Variants in LRP6 observed in about 807,000 individuals in gnomAD.
LRP6 encodes LDL receptor related protein 6, also known as low-density lipoprotein receptor-related protein 6.
LRP6 carries 43 observed loss-of-function variants against 184.1 expected under a neutral mutation model. The ratio of observed to expected loss-of-function variants is 0.23; its 90% CI spans 0.18 to 0.30. The LOEUF (loss-of-function observed/expected upper bound fraction) is 0.30, where lower values mean the gene tolerates loss of function less well. LRP6 is among the 10% of genes least tolerant of loss of function. The probability of loss-of-function intolerance (pLI) is 1.00; values close to 1 mark genes in which losing one functional copy is unlikely to be tolerated. For synonymous variants in LRP6, 719 were observed against 684.9 expected (o/e 1.05, Z -0.78); for missense variants, 1,571 against 2,005.3 (o/e 0.78, Z 4.14).
At chr12:12,155,211 C>T (rs917859488) in intron 12 of LRP6, 3 of 643,040 alleles carry the variant, frequency 4.7e-6, no homozygotes, top group African/African-American at 3.6e-5. Flanking sequence ...AACAAACAAA[C>T]AAACAAAAAG....
Position 12,164,666 on chromosome 12 carries a change from T to C in LRP6, c.1763-104A>G, listed in dbSNP as rs569066382. The C allele has an allele frequency of 6.6e-6, 7 of 1,064,958 alleles. 1 individual carries two copies. In the Admixed American group the frequency reaches 1.0e-4, roughly 16 times the overall value. The allele number at this position is 1,064,958 out of a possible 1,614,324, so 66.0% of individuals were successfully genotyped here. ...TAAGCGTTTGGTTCACAAATGCCTA[T>C]GATTATGTCTTGCTCCCAATCTCAA... On this transcript the variant is annotated intron_variant, in intron 8 of 22. Coordinates refer to ENST00000261349, the MANE Select transcript of LRP6 (RefSeq NM_002336.3).
chr12:12,252,904 T>C (rs879838235), intron 1 of LRP6, among the ~76,000 whole-genome samples: 14 of 152,314 alleles, frequency 9.2e-5, no homozygotes, highest in South Asian at 2.1e-4. Context: ...GTCTTTAGAT[T>C]TTCTCTCTGC....
At chr12:12,259,105 C>G (rs866705437) in intron 1 of LRP6, among the ~76,000 whole-genome samples, 31 of 151,836 alleles carry the variant, frequency 2.0e-4, no homozygotes, top group Non-Finnish European at 7.4e-5. Flanking sequence ...CTACTAAAAA[C>G]ACAAAAATTA....
At chr12:12,200,194 A>G (rs532127229) in intron 3 of LRP6, among the ~76,000 whole-genome samples, 2 of 152,220 alleles carry the variant, frequency 1.3e-5, no homozygotes, top group African/African-American at 4.8e-5. Flanking sequence ...CCCTGCCACA[A>G]CTTCATTAAC....
At chr12:12,144,469 C>T (rs911097379) in intron 15 of LRP6, among the ~76,000 whole-genome samples, 2 of 152,090 alleles carry the variant, frequency 1.3e-5, no homozygotes, top group Admixed American at 1.3e-4. Flanking sequence ...CACAGCAAGA[C>T]CCCCATCTCT....
chr12:12,137,500 A>T (rs1386077403), intron 16 of LRP6, among the ~76,000 whole-genome samples: 1 of 152,086 alleles, frequency 6.6e-6, no homozygotes, highest in Non-Finnish European at 1.5e-5. Flanking sequence ...TTTATCCCAA[A>T]GGGGGGGAAA....
chr12:12,142,761 A>G (rs1009948045), intron 15 of LRP6, among the ~76,000 whole-genome samples: 1 of 152,182 alleles, frequency 6.6e-6, no homozygotes, highest in Non-Finnish European at 1.5e-5. Flanking sequence ...AAAGAATAAT[A>G]TATCATGCTA....
At position 12,117,040 on chromosome 12, in the gene LRP6, C is replaced by G. The variant is rs756777773; in HGVS notation, c.*4086G>C. The G allele has an allele frequency of 1.3e-5, 2 of 152,118 alleles. No individual in the cohort carries two copies. The highest frequency in any genetic ancestry group is 2.9e-5 in the Non-Finnish European group (2 of 68,016). The allele number at this position is 152,118 out of a possible 1,614,324, so 9.4% of individuals were successfully genotyped here. On this transcript the variant is annotated 3_prime_UTR_variant, in exon 23 of 23. Coordinates refer to ENST00000261349, the MANE Select transcript of LRP6 (RefSeq NM_002336.3). ...CATAAAATGTTGAGAATTTCAAAAG[C>G]TAAATTTTGAAACTATTATAAAATG...
At chr12:12,260,595 T>C (rs776739006) in intron 1 of LRP6, among the ~76,000 whole-genome samples, 25 of 152,188 alleles carry the variant, frequency 1.6e-4, no homozygotes, top group African/African-American at 1.9e-4. Flanking sequence ...CAGAGTATAA[T>C]GTTTCTTTTA....
chr12:12,244,746 A>C lies in LRP6; in HGVS notation c.56-91T>G, dbSNP rs1246526322. On this transcript the variant is annotated intron_variant, in intron 1 of 22. Transcript: ENST00000261349. ...GTTTCAAATCGGTTTAAGTGAGCAAAGACTGTCGAAAATAAGAAAAGAATA... is the reference window on the plus strand; with the variant it reads ...GTTTCAAATCGGTTTAAGTGAGCAACGACTGTCGAAAATAAGAAAAGAATA... The C allele has an allele frequency of 1.2e-5, 14 of 1,142,050 alleles. No individual in the cohort carries two copies. In the East Asian group the frequency reaches 3.0e-4, roughly 25 times the overall value. 70.7% of individuals were successfully genotyped at this position (1,142,050 alleles called of 1,614,324 possible).
intron 15 of LRP6, among the ~76,000 whole-genome samples, chr12:12,143,165 A>G (rs1388258508): frequency 6.6e-6 from 1 of 152,228 alleles, no homozygotes; most frequent in Non-Finnish European, 1.5e-5. Flanking sequence ...AGTCTTTACC[A>G]CTAGCGTTTA....
intron 18 of LRP6, among the ~76,000 whole-genome samples, chr12:12,131,138 T>C (rs915622827): frequency 2.8e-5 from 4 of 141,316 alleles, no homozygotes; most frequent in Non-Finnish European, 6.1e-5. Flanking sequence ...GACGGAGTCT[T>C]GCTCTGTCGC....
chr12:12,183,963 G>T lies in LRP6; in HGVS notation c.976+17C>A, dbSNP rs1863405209. The stretch of plus-strand genomic sequence containing the variant: ...CAATAGTTATAAAATTTTTCATTTT[G>T]GATAATATCTTCTTACCATCTTTGC... On this transcript the variant is annotated intron_variant, in intron 5 of 22. Coordinates refer to ENST00000261349, the MANE Select transcript of LRP6 (RefSeq NM_002336.3). 1 of 1,610,074 alleles carries T rather than the reference G, an allele frequency of 6.2e-7. No homozygotes were observed. Among genetic ancestry groups the T allele is most frequent in the South Asian group, 1.1e-5 (1 of 90,896 alleles).
intron 22 of LRP6, 70 bp from the exon 23 acceptor site, chr12:12,121,490 G>C: frequency 7.1e-7 from 1 of 1,416,620 alleles, no homozygotes; most frequent in Admixed American, 1.7e-5. Flanking sequence ...TCTCAGAATA[G>C]AGGTATTAGA....
At chr12:12,204,475 C>T (rs1003557061) in intron 2 of LRP6, among the ~76,000 whole-genome samples, 1 of 151,914 alleles carries the variant, frequency 6.6e-6, no homozygotes, top group East Asian at 1.9e-4. Context: ...ATGTTAATTT[C>T]CTAAATATGC....
At chr12:12,240,856 A>T (rs1301386312) in intron 2 of LRP6, among the ~76,000 whole-genome samples, 2 of 152,064 alleles carry the variant, frequency 1.3e-5, no homozygotes, top group Non-Finnish European at 2.9e-5. Flanking sequence ...CATAGGAATC[A>T]CCTCTACTCA....
chr12:12,247,178 G>T (rs1347697952), intron 1 of LRP6, among the ~76,000 whole-genome samples: 1 of 152,152 alleles, frequency 6.6e-6, no homozygotes, highest in East Asian at 1.9e-4. Context: ...CAGAAAAAAG[G>T]TCCCTACTAG....
chr12:12,131,637 TATAAATCTTATGC>T (rs1468043985), intron 18 of LRP6, among the ~76,000 whole-genome samples, 171 bp downstream of exon 18: 1 of 152,212 alleles, frequency 6.6e-6, no homozygotes, highest in Non-Finnish European at 1.5e-5. Flanking sequence ...TATTAATTTG[TATAAATCTTATGC>T]ATATGGAGTG....
intron 21 of LRP6, among the ~76,000 whole-genome samples, chr12:12,124,988 G>C (rs566135290): frequency 3.9e-5 from 6 of 152,302 alleles, no homozygotes; most frequent in Admixed American, 3.3e-4. Context: ...TTCCAGGTGT[G>C]CTTCCTCTTT....
Sources: allele counts gnomAD v4.1 joint callset (sites outside exome capture counted in the v4.1 genomes callset), GRCh38; gene constraint gnomAD v4.1.1; transcripts MANE v1.5; gene names NCBI Gene and HGNC (gene_info 2026-07-23, HGNC 2026-07-21).